Variants in RORA observed in about 807,000 individuals in gnomAD.
The protein encoded by RORA is nuclear receptor ROR-alpha.
A neutral mutation model predicts 69.5 loss-of-function variants in RORA; 7 were observed. The ratio of observed to expected loss-of-function variants is 0.10; its 90% CI spans 0.06 to 0.19. The LOEUF (loss-of-function observed/expected upper bound fraction) is 0.19. Ranked by LOEUF, RORA falls within the 10% of genes least tolerant of loss-of-function variation. RORA has a pLI of 1.00. For missense variants in RORA, 457 were observed against 663.0 expected, an observed-to-expected ratio of 0.69 and a Z score of 3.41; for synonymous variants, 261 against 240.8, an observed-to-expected ratio of 1.08 and a Z score of -0.78.
At chr15:60,815,927 T>C (rs935111019) in intron 1 of RORA, among the ~76,000 whole-genome samples, 1 of 143,502 alleles carries the variant, frequency 7.0e-6, no homozygotes, top group African/African-American at 2.7e-5. Flanking sequence ...ATAGTGTATA[T>C]ATACTATAAA....
At chr15:60,950,308 C>A (rs1342357169) in intron 1 of RORA, among the ~76,000 whole-genome samples, 1 of 142,060 alleles carries the variant, frequency 7.0e-6, no homozygotes, top group Non-Finnish European at 1.5e-5. Context: ...TGGAAAGGAA[C>A]AACCGGTACC....
intron 2 of RORA, among the ~76,000 whole-genome samples, chr15:60,642,046 A>G (rs2069953602): frequency 6.6e-6 from 1 of 152,172 alleles, no homozygotes; most frequent in Non-Finnish European, 1.5e-5. Flanking sequence ...TGACCCCACA[A>G]TATAACACAT....
intron 1 of RORA, among the ~76,000 whole-genome samples, chr15:61,202,245 C>T (rs1470664254): frequency 2.0e-5 from 3 of 152,028 alleles, no homozygotes; most frequent in African/African-American, 7.2e-5. Context: ...CTCCTGGCCT[C>T]GTGATCCGCC....
chr15:60,934,381 T>C (rs1303192922), intron 1 of RORA, among the ~76,000 whole-genome samples: 1 of 151,754 alleles, frequency 6.6e-6, no homozygotes, highest in African/African-American at 2.4e-5. Flanking sequence ...GGAGGGCTTG[T>C]AAAAAGAAAA....
rs562751040 is a variant in RORA, at chr15:61,149,990, A to G, written c.166+79063T>C. On this transcript the variant is annotated intron_variant, in intron 1 of 10. Transcript: ENST00000335670. ...TCACCTTTCCAGTGAAACAGGAGGC[A>G]AGAACCAAACACAGAGCTTTCCATC... 3.2e-4 allele frequency among the ~76,000 whole-genome samples: 49 copies of G among 152,362 alleles called. 1 individual carries two copies. The highest frequency in any genetic ancestry group is 1.1e-3 in the African/African-American group (46 of 41,582).
intron 1 of RORA, among the ~76,000 whole-genome samples, chr15:60,694,668 A>G (rs1171304303): frequency 6.6e-6 from 1 of 152,286 alleles, no homozygotes; most frequent in African/African-American, 2.4e-5. Flanking sequence ...ATGTTATTGT[A>G]TTATCCAAAT....
intron 2 of RORA, among the ~76,000 whole-genome samples, chr15:60,623,438 T>C (rs1215402360): frequency 6.6e-6 from 1 of 152,232 alleles, no homozygotes; most frequent in Non-Finnish European, 1.5e-5. Context: ...CAGCAGCAGC[T>C]AATATTTACC....
intron 1 of RORA, among the ~76,000 whole-genome samples, chr15:61,112,420 C>G (rs896075993): frequency 1.3e-5 from 2 of 151,860 alleles, no homozygotes; most frequent in Non-Finnish European, 1.5e-5. Context: ...GAAAGGGAAG[C>G]GGAAAGCAAT....
At chr15:60,697,744 T>C (rs1371513926) in intron 1 of RORA, among the ~76,000 whole-genome samples, 1 of 152,208 alleles carries the variant, frequency 6.6e-6, no homozygotes, top group African/African-American at 2.4e-5. Flanking sequence ...ATTTTTATAC[T>C]TTCCTCAAAT....
intron 1 of RORA, among the ~76,000 whole-genome samples, chr15:60,773,090 T>C (rs917408567): frequency 6.6e-6 from 1 of 152,194 alleles, no homozygotes; most frequent in Non-Finnish European, 1.5e-5. Context: ...AAGGGGCTCT[T>C]TATTGCTTTC....
intron 1 of RORA, among the ~76,000 whole-genome samples, chr15:60,748,054 T>C (rs1179990545): frequency 6.6e-6 from 1 of 152,148 alleles, no homozygotes; most frequent in East Asian, 1.9e-4. Flanking sequence ...CGCCCCATGG[T>C]CTTAATCTCC....
chr15:60,911,241 G>C (rs1326298229), intron 1 of RORA, among the ~76,000 whole-genome samples: 1 of 151,710 alleles, frequency 6.6e-6, no homozygotes, highest in African/African-American at 2.4e-5. Context: ...GGCTGACTCT[G>C]GCTGTTTTTG....
intron 1 of RORA, among the ~76,000 whole-genome samples, chr15:60,934,000 G>A (rs748554731): frequency 1.3e-5 from 2 of 152,192 alleles, no homozygotes; most frequent in African/African-American, 2.4e-5. Flanking sequence ...GCTGACAGTC[G>A]TTCGGTAAAG....
Position 60,492,546 on chromosome 15 carries a change from A to G in RORA, c.*4909T>C, listed in dbSNP as rs1264901995. On this transcript the variant is annotated 3_prime_UTR_variant, in exon 11 of 11. Transcript: ENST00000335670. ...TTTCATCTTTTACCTATATCACTGT[A>G]CTGATAGGCAGGTCTCTCCTCTTAT... The G allele has an allele frequency of 6.6e-6, 1 of 152,150 alleles. No individual in the cohort carries two copies. Among genetic ancestry groups the G allele is most frequent in the East Asian group, 1.9e-4 (1 of 5,200 alleles). The allele number at this position is 152,150 out of a possible 1,614,324, so 9.4% of individuals were successfully genotyped here.
At chr15:60,932,561 T>C (rs976920699) in intron 1 of RORA, among the ~76,000 whole-genome samples, 2 of 152,198 alleles carry the variant, frequency 1.3e-5, no homozygotes, top group African/African-American at 4.8e-5. Context: ...GCTCGAGATA[T>C]GCAGCTTGAG....
Position 60,505,515 on chromosome 15 carries a change from T to C in RORA, c.935A>G (p.Gln312Arg). ...TFLQEEIENY[Q>R]NKQREVMWQL... ...AAATTCCTCAGATCATACCTTGTTT[T>C]GATAGTTCTCAATTTCTTCCTGTAA... The change falls in exon 6 of 11, where the codon CAA becomes CGA. Residue 312 changes from glutamine (Q) to arginine (R), a missense_variant. Around this residue, in one of 3 missense-constraint regions of RORA, gnomAD observed 304 missense variants for 447.4 expected, o/e 0.68. Coordinates refer to ENST00000335670, the MANE Select transcript of RORA (RefSeq NM_134261.3). 6.2e-7 allele frequency: 1 copy of C among 1,613,974 alleles called. No individual in the cohort carries two copies. Among genetic ancestry groups the C allele is most frequent in the Non-Finnish European group, 8.5e-7 (1 of 1,179,856 alleles).
At chr15:60,928,422 C>T (rs1195723555) in intron 1 of RORA, among the ~76,000 whole-genome samples, 2 of 152,128 alleles carry the variant, frequency 1.3e-5, no homozygotes, top group South Asian at 2.1e-4. Flanking sequence ...GCGGGAAGCT[C>T]GTGGAAGCCA....
chr15:60,883,293 G>A (rs143870448), intron 1 of RORA, among the ~76,000 whole-genome samples: 178 of 152,256 alleles, frequency 1.2e-3, no homozygotes, highest in African/African-American at 3.9e-3. Flanking sequence ...GGATGGATAC[G>A]TGGTACAAAT....
chr15:60,829,617 A>G (rs2073013985), intron 1 of RORA, among the ~76,000 whole-genome samples: 1 of 152,174 alleles, frequency 6.6e-6, no homozygotes, highest in East Asian at 1.9e-4. Context: ...ACATGGAAAG[A>G]GTTTGTCAGT....
Sources: gnomAD v4.1 joint callset for allele counts (sites outside exome capture counted in the v4.1 genomes callset) on GRCh38, gnomAD v4.1.1 for gene constraint, gnomAD v4.1.1 regional missense constraint, MANE v1.5 for transcripts, NCBI Gene and HGNC (gene_info 2026-07-23, HGNC 2026-07-21) for gene names.